RAPGEF6: variants seen among roughly 807,000 people sequenced by gnomAD.
RAPGEF6 encodes the protein Rap guanine nucleotide exchange factor 6.
RAPGEF6 carries 56 observed loss-of-function variants against 171.4 expected under a neutral mutation model. The ratio of observed to expected loss-of-function variants is 0.33; its 90% confidence interval spans 0.26 to 0.41. RAPGEF6 has a LOEUF of 0.41. Ranked by LOEUF, RAPGEF6 falls within the 10% of genes least tolerant of loss-of-function variation. RAPGEF6 has a pLI of 1.00. For synonymous variants in RAPGEF6, 692 were observed against 650.1 expected, an observed-to-expected ratio of 1.06 and a Z score of -0.98; for missense variants, 1,674 against 1,921.4, an observed-to-expected ratio of 0.87 and a Z score of 2.41.
At chr5:131,633,348 T>G (rs1457817301) in intron 1 of RAPGEF6, among the ~76,000 whole-genome samples, 1 of 151,790 alleles carries the variant, frequency 6.6e-6, no homozygotes. Flanking sequence ...AAAAATAAAA[T>G]AGGCAATTTC....
intron 4 of RAPGEF6, among the ~76,000 whole-genome samples, chr5:131,564,990 G>T (rs190824966): frequency 6.6e-6 from 1 of 151,918 alleles, no homozygotes; most frequent in Non-Finnish European, 1.5e-5. Context: ...TTATCAGTAC[G>T]TAGACTGAAA....
At chr5:131,548,603 C>T (rs887502213) in intron 5 of RAPGEF6, among the ~76,000 whole-genome samples, 53 of 152,126 alleles carry the variant, frequency 3.5e-4, no homozygotes, top group African/African-American at 1.2e-3. Flanking sequence ...AACAAGAAAA[C>T]TTTATGCAAT....
chr5:131,431,739 C>T (rs973775726), intron 25 of RAPGEF6, among the ~76,000 whole-genome samples: 10 of 152,068 alleles, frequency 6.6e-5, no homozygotes, highest in Non-Finnish European at 2.9e-5. Context: ...ATCCTCCCGC[C>T]TCAGCCTCCC....
intron 11 of RAPGEF6, among the ~76,000 whole-genome samples, chr5:131,503,802 T>C (rs925373361): frequency 1.3e-5 from 2 of 152,202 alleles, no homozygotes; most frequent in African/African-American, 4.8e-5. Context: ...TGGGGGTTAA[T>C]ACTCAGACTC....
intron 15 of RAPGEF6, among the ~76,000 whole-genome samples, chr5:131,487,709 G>A (rs1224913061): frequency 1.3e-5 from 2 of 152,144 alleles, no homozygotes; most frequent in South Asian, 4.1e-4. Flanking sequence ...CTTGACCCAG[G>A]AAGTCCAGCT....
chr5:131,631,701 A>G (rs1007814422), intron 1 of RAPGEF6, among the ~76,000 whole-genome samples: 1 of 152,184 alleles, frequency 6.6e-6, no homozygotes, highest in African/African-American at 2.4e-5. Context: ...AGTTCCAGCT[A>G]CTTGGGAGGT....
In RAPGEF6 at chr5:131,479,774, C is replaced by G. The variant is rs368749192; in HGVS notation, c.1841-21G>C. On this transcript the variant is annotated intron_variant, in intron 15 of 27. Transcript: ENST00000509018. ...GAACACTGTGGAAATAAAACAAATG[C>G]GTCATTTTATTTCTTCTCTTCAGAA... The G allele has an allele frequency of 5.0e-6, 8 of 1,597,284 alleles. No homozygotes were observed. The African/African-American group carries it at 9.5e-5, about 19-fold the overall frequency.
At chr5:131,497,708 T>C (rs993098797) in intron 12 of RAPGEF6, among the ~76,000 whole-genome samples, 1 of 152,218 alleles carries the variant, frequency 6.6e-6, no homozygotes, top group Non-Finnish European at 1.5e-5. Flanking sequence ...GTTAGTCTCC[T>C]AAATAAAAGA....
At position 131,431,185 on chromosome 5, in the gene RAPGEF6, G is replaced by C. The variant is rs752505502; in HGVS notation, c.4139C>G (p.Pro1380Arg). The stretch of plus-strand genomic sequence containing the variant: ...CAAAAAATCCCAGCTTTTTGGGTTT[G>C]GAAGGCTTTGGAAGTTGTCATGGGA... ...SSSHDNFQSLPNPKSWDFLNS... is the reference protein window; with the variant it reads ...SSSHDNFQSLRNPKSWDFLNS... Residue 1380 changes from proline (P) to arginine (R), a missense_variant, in exon 26 of 28, where the codon CCA becomes CGA. Around this residue, in one of 3 missense-constraint regions of RAPGEF6, gnomAD observed 552 missense variants for 574.2 expected, o/e 0.96. Coordinates refer to ENST00000509018, the MANE Select transcript of RAPGEF6 (RefSeq NM_016340.6). 4.3e-6 allele frequency: 7 copies of C among 1,614,068 alleles called. No homozygotes were observed.
At chr5:131,450,429 G>T (rs2149820886) in intron 21 of RAPGEF6, among the ~76,000 whole-genome samples, 1 of 152,184 alleles carries the variant, frequency 6.6e-6, no homozygotes, top group East Asian at 1.9e-4. Flanking sequence ...ACATCTTGCT[G>T]GCAAGATTTT....
intron 6 of RAPGEF6, among the ~76,000 whole-genome samples, chr5:131,538,371 T>C (rs1759912931): frequency 6.6e-6 from 1 of 152,162 alleles, no homozygotes; most frequent in African/African-American, 2.4e-5. Context: ...CAGCCTATGG[T>C]TCCCAGGCTA....
chr5:131,581,577 C>T (rs572897871), intron 4 of RAPGEF6, among the ~76,000 whole-genome samples: 2 of 152,154 alleles, frequency 1.3e-5, no homozygotes, highest in East Asian at 1.9e-4. Flanking sequence ...CGTGCCGCCC[C>T]TAATCCAGCT....
intron 7 of RAPGEF6, among the ~76,000 whole-genome samples, chr5:131,519,787 CA>C (rs768890597): frequency 3.2e-4 from 48 of 152,310 alleles, no homozygotes; most frequent in Non-Finnish European, 6.3e-4. Flanking sequence ...CAATCTTCCT[CA>C]GTGTTTTCTT....
chr5:131,534,073 G>A (rs1354138588), intron 6 of RAPGEF6, among the ~76,000 whole-genome samples: 2 of 151,908 alleles, frequency 1.3e-5, no homozygotes, highest in East Asian at 1.9e-4. Flanking sequence ...ACCTCCAGGC[G>A]GCAAAATTAT....
In RAPGEF6 at chr5:131,439,434, G is replaced by T. The variant is rs1157463597; in HGVS notation, c.3745+147C>A. The T allele has an allele frequency of 2.2e-6, 3 of 1,354,794 alleles. No individual in the cohort carries two copies. The African/African-American group carries it at 4.4e-5, about 20-fold the overall frequency. 83.9% of individuals were successfully genotyped at this position (1,354,794 alleles called of 1,614,324 possible). On this transcript the variant is annotated intron_variant, in intron 24 of 27. Coordinates refer to ENST00000509018, the MANE Select transcript of RAPGEF6 (RefSeq NM_016340.6). ...AATATCTAAAAAGCATCTGAATAAT[G>T]CAATACAAAACATCAAAGTTCAAAA...
chr5:131,516,718 T>C (rs1346837675), intron 7 of RAPGEF6, among the ~76,000 whole-genome samples: 1 of 152,242 alleles, frequency 6.6e-6, no homozygotes, highest in Non-Finnish European at 1.5e-5. Flanking sequence ...CCTTATTCTC[T>C]TGAATACTCT....
intron 7 of RAPGEF6, among the ~76,000 whole-genome samples, chr5:131,519,605 T>C (rs1319446814): frequency 3.3e-5 from 5 of 152,212 alleles, no homozygotes; most frequent in Admixed American, 6.5e-5. Flanking sequence ...TTTCACCATG[T>C]TGGTCATGCT....
chr5:131,528,239 TCA>T (rs1759072358), intron 6 of RAPGEF6, among the ~76,000 whole-genome samples: 2 of 127,922 alleles, frequency 1.6e-5, no homozygotes, highest in South Asian at 4.3e-4. Context: ...TATTTATATA[TCA>T]TATATATAAA....
intron 11 of RAPGEF6, 114 bp downstream of exon 11, chr5:131,504,512 A>C: frequency 9.0e-7 from 1 of 1,107,336 alleles, no homozygotes; most frequent in South Asian, 1.9e-5. Context: ...TTTAAGTTAG[A>C]TGCCAAAGTG....
Sources: gnomAD v4.1 joint callset for allele counts (sites outside exome capture counted in the v4.1 genomes callset) on GRCh38, gnomAD v4.1.1 for gene constraint, gnomAD v4.1.1 regional missense constraint, MANE v1.5 for transcripts, NCBI Gene and HGNC (gene_info 2026-07-23, HGNC 2026-07-21) for gene names.